Variants in CORO2B observed in about 807,000 individuals in gnomAD.
CORO2B encodes coronin 2B, also known as coronin-2B.
Under a neutral mutation model 58.8 loss-of-function variants are expected in CORO2B, and 26 were observed. That is an observed-to-expected ratio of 0.44 (90% CI 0.32 to 0.61). The LOEUF (loss-of-function observed/expected upper bound fraction) is 0.61. Ranked by LOEUF, CORO2B falls within the 20% of genes least tolerant of loss-of-function variation. The pLI, the probability that CORO2B is intolerant of heterozygous loss-of-function variation, is 0.04. For missense variants in CORO2B, 460 were observed against 645.1 expected (o/e 0.71, Z 3.11); for synonymous variants, 242 against 253.8 (o/e 0.95, Z 0.44).
At chr15:68,542,611 G>A in the CORO2B span, among the ~76,000 whole-genome samples, 1 of 152,242 alleles carries the variant, frequency 6.6e-6, no homozygotes, top group Non-Finnish European at 1.5e-5. Flanking sequence ...GCAGAAGGGA[G>A]GGGCACCCTC....
At chr15:68,680,149 A>G (rs1306750397) in intron 2 of CORO2B, among the ~76,000 whole-genome samples, 1 of 151,892 alleles carries the variant, frequency 6.6e-6, no homozygotes, top group Non-Finnish European at 1.5e-5. Context: ...GAGCATGTGG[A>G]TGGTGCCATG....
intron 2 of CORO2B, among the ~76,000 whole-genome samples, chr15:68,669,069 A>AAG (rs113835286): frequency 0.094 from 13,695 of 145,922 alleles, 997 homozygotes; most frequent in African/African-American, 0.21. Flanking sequence ...GAAAGAGAGA[A>AAG]AGAGAGAGAG....
chr15:68,706,113 T>C (rs1477630304), intron 3 of CORO2B, among the ~76,000 whole-genome samples: 1 of 152,112 alleles, frequency 6.6e-6, no homozygotes, highest in Non-Finnish European at 1.5e-5. Context: ...AGTGACGAGA[T>C]ATGACACACA....
chr15:68,674,778 C>T (rs1265700563), intron 2 of CORO2B, among the ~76,000 whole-genome samples: 1 of 152,238 alleles, frequency 6.6e-6, no homozygotes, highest in Non-Finnish European at 1.5e-5. Context: ...CCCTCTTTCT[C>T]CCTCCAGCCT....
At chr15:68,672,159 GGTGTGTGT>G (rs60989044) in intron 2 of CORO2B, among the ~76,000 whole-genome samples, 12 of 146,178 alleles carry the variant, frequency 8.2e-5, no homozygotes, top group African/African-American at 2.8e-4. Flanking sequence ...GTAATCGGGA[GGTGTGTGT>G]GTGTGTGTGT....
chr15:68,531,555 G>GGAAGGAAGGAAGGAAA, the CORO2B span, among the ~76,000 whole-genome samples: 2 of 77,798 alleles, frequency 2.6e-5, no homozygotes, highest in African/African-American at 1.0e-4. Context: ...AAGGAAGGAA[G>GGAAGGAAGGAAGGAAA]GAAAGAAAGA....
chr15:68,526,937 T>C, the CORO2B span, among the ~76,000 whole-genome samples: 2 of 152,324 alleles, frequency 1.3e-5, no homozygotes, highest in Admixed American at 6.5e-5. Flanking sequence ...CAAGATTAAA[T>C]GAGGTCATAG....
intron 8 of CORO2B, among the ~76,000 whole-genome samples, chr15:68,717,735 GA>G (rs991317333): frequency 1.3e-5 from 2 of 152,172 alleles, no homozygotes; most frequent in African/African-American, 4.8e-5. Flanking sequence ...TCCCATTTGG[GA>G]AACCATTTCA....
chr15:68,628,798 C>T (rs1476195270), intron 1 of CORO2B, among the ~76,000 whole-genome samples: 11 of 152,198 alleles, frequency 7.2e-5, no homozygotes, highest in Admixed American at 7.2e-4. Context: ...CATGGACTCA[C>T]CCAGCCTCTC....
intron 2 of CORO2B, among the ~76,000 whole-genome samples, chr15:68,670,515 G>A (rs1902357449): frequency 2.0e-5 from 3 of 152,128 alleles, no homozygotes; most frequent in African/African-American, 7.2e-5. Context: ...TTCCGTAGAT[G>A]GATCAGAAGT....
chr15:68,676,481 T>C (rs746118), intron 2 of CORO2B, among the ~76,000 whole-genome samples: 100,910 of 152,046 alleles, frequency 0.66, 34,090 homozygotes, highest in East Asian at 0.86. Context: ...TAACCACCGC[T>C]GCCTAAACCC....
chr15:68,716,529 C>T (rs1470422698), intron 8 of CORO2B, among the ~76,000 whole-genome samples: 1 of 152,152 alleles, frequency 6.6e-6, no homozygotes, highest in Non-Finnish European at 1.5e-5. Flanking sequence ...GATCACATTC[C>T]ACTGAGCAGG....
upstream of CORO2B, chr15:68,578,956 C>A (rs530085509): frequency 4.5e-6 from 4 of 880,008 alleles, no homozygotes; most frequent in Non-Finnish European, 5.4e-6. The surrounding 1 kb of genome is among the most constrained non-coding windows in gnomAD (Gnocchi z 4.2). Flanking sequence ...CTTCCTCCCC[C>A]CGCCCCCCAG....
At chr15:68,610,091 A>G (rs905061481) in intron 1 of CORO2B, among the ~76,000 whole-genome samples, 17 of 152,188 alleles carry the variant, frequency 1.1e-4, no homozygotes, top group Non-Finnish European at 4.4e-5. Context: ...AACTAGGTGA[A>G]TATCGCTGAG....
Position 68,709,341 on chromosome 15 carries a change from A to AT in CORO2B, c.334-1382dup, listed in dbSNP as rs988673597. Among the ~76,000 whole-genome samples, 32 of 147,100 alleles carry AT rather than the reference A, an allele frequency of 2.2e-4. No homozygotes were observed. In the South Asian group the frequency reaches 2.8e-3, roughly 13 times the overall value. On this transcript the variant is annotated intron_variant, in intron 3 of 11. Transcript: ENST00000261861. ...TACCTTGCCAACACTGGCTCTTTTT[A>AT]TTTTTTTTTGGTTGGCTATTTTAGC...
chr15:68,633,561 C>A (rs1019891090), intron 1 of CORO2B, among the ~76,000 whole-genome samples: 1 of 127,658 alleles, frequency 7.8e-6, no homozygotes, highest in Non-Finnish European at 1.7e-5. Context: ...TCCTTGGGGA[C>A]AGCACAGGGT....
chr15:68,649,474 G>A (rs1368636199), intron 2 of CORO2B, among the ~76,000 whole-genome samples: 1 of 152,172 alleles, frequency 6.6e-6, no homozygotes, highest in African/African-American at 2.4e-5. Context: ...TTAGGGAAGA[G>A]CCACACAAAG....
intron 3 of CORO2B, among the ~76,000 whole-genome samples, chr15:68,709,262 G>A (rs1439827625): frequency 6.6e-6 from 1 of 152,042 alleles, no homozygotes; most frequent in East Asian, 1.9e-4. Context: ...TTCCAAAAGA[G>A]TTACTCTGAT....
At chr15:68,688,770 T>C (rs1892286428) in intron 2 of CORO2B, among the ~76,000 whole-genome samples, 1 of 152,222 alleles carries the variant, frequency 6.6e-6, no homozygotes, top group Non-Finnish European at 1.5e-5. Context: ...TGTTTCAGTG[T>C]GCTTCTCTGT....
Sources: allele counts gnomAD v4.1 joint callset (sites outside exome capture counted in the v4.1 genomes callset), GRCh38; gene constraint gnomAD v4.1.1; non-coding constraint Gnocchi (gnomAD v3.1); transcripts MANE v1.5; gene names NCBI Gene and HGNC (gene_info 2026-07-23, HGNC 2026-07-21).